Variants in THSD7A observed in about 807,000 individuals in gnomAD.
THSD7A encodes thrombospondin type-1 domain-containing protein 7A.
Under a neutral mutation model 231.3 loss-of-function variants are expected in THSD7A, and 96 were observed. That is an observed-to-expected ratio of 0.41 (90% CI 0.35 to 0.49). THSD7A has a LOEUF of 0.49. Among genes scored for constraint, THSD7A ranks in the 20% least tolerant of loss-of-function variants. THSD7A has a pLI of 0.05. For synonymous variants in THSD7A, 940 were observed against 743.3 expected (o/e 1.26, Z -4.30); for missense variants, 2,290 against 2,070.2 (o/e 1.11, Z -2.06).
chr7:11,642,051 C>T (rs1045096841), intron 1 of THSD7A, among the ~76,000 whole-genome samples: 1 of 152,098 alleles, frequency 6.6e-6, no homozygotes, highest in Middle Eastern at 3.2e-3. Context: ...GAATTGTTAA[C>T]CCAATTAACT....
intron 4 of THSD7A, among the ~76,000 whole-genome samples, chr7:11,576,281 C>A (rs10486154): frequency 0.23 from 35,634 of 152,028 alleles, 4,291 homozygotes; most frequent in Admixed American, 0.25. Context: ...ACATAATATT[C>A]AAAATCACAT....
chr7:11,689,649 C>T (rs1166917973), intron 1 of THSD7A, among the ~76,000 whole-genome samples: 1 of 151,518 alleles, frequency 6.6e-6, no homozygotes, highest in Non-Finnish European at 1.5e-5. Flanking sequence ...ATGGAAATGC[C>T]ATTCCCAGGT....
At chr7:11,562,109 T>C (rs777715673) in intron 4 of THSD7A, among the ~76,000 whole-genome samples, 5 of 152,188 alleles carry the variant, frequency 3.3e-5, no homozygotes, top group South Asian at 2.1e-4. Context: ...GTGCAGAATC[T>C]GGTAGAGATA....
At chr7:11,487,832 C>T (rs1006899940) in intron 6 of THSD7A, among the ~76,000 whole-genome samples, 2 of 152,066 alleles carry the variant, frequency 1.3e-5, no homozygotes, top group African/African-American at 2.4e-5. Context: ...ACCCTTGACA[C>T]GTGGGGATTA....
At chr7:11,545,002 T>C (rs1562704748) in intron 4 of THSD7A, among the ~76,000 whole-genome samples, 1 of 152,124 alleles carries the variant, frequency 6.6e-6, no homozygotes, top group South Asian at 2.1e-4. Context: ...TTCAGCACAC[T>C]AATGACATAA....
chr7:11,561,773 A>G (rs1194860737), intron 4 of THSD7A, among the ~76,000 whole-genome samples: 1 of 152,134 alleles, frequency 6.6e-6, no homozygotes, highest in African/African-American at 2.4e-5. Flanking sequence ...AATTGCTTGA[A>G]CCTGGGAGGC....
intron 1 of THSD7A, among the ~76,000 whole-genome samples, chr7:11,739,782 T>G (rs970492402): frequency 3.3e-5 from 5 of 151,928 alleles, no homozygotes; most frequent in Admixed American, 2.0e-4. Context: ...TTCTTACACC[T>G]GTCGTACCCT....
At chr7:11,563,553 G>A (rs998526158) in intron 4 of THSD7A, among the ~76,000 whole-genome samples, 2 of 151,922 alleles carry the variant, frequency 1.3e-5, no homozygotes, top group African/African-American at 4.8e-5. Flanking sequence ...GTAGAGACAG[G>A]GTTTCACCAT....
chr7:11,510,546 T>G (rs535393764), intron 6 of THSD7A, among the ~76,000 whole-genome samples: 2 of 152,198 alleles, frequency 1.3e-5, no homozygotes, highest in African/African-American at 4.8e-5. Context: ...GCAAACCGAA[T>G]CCAGCAGCAC....
chr7:11,480,518 C>T (rs1257173653), intron 7 of THSD7A, among the ~76,000 whole-genome samples: 1 of 152,126 alleles, frequency 6.6e-6, no homozygotes, highest in Non-Finnish European at 1.5e-5. Context: ...TGTTTGACAA[C>T]ACAAGAAATA....
At chr7:11,538,250 A>G (rs938871868) in intron 6 of THSD7A, among the ~76,000 whole-genome samples, 6 of 152,036 alleles carry the variant, frequency 3.9e-5, no homozygotes, top group Non-Finnish European at 8.8e-5. Context: ...CAAACAAAAA[A>G]ATAACATAAC....
chr7:11,670,609 T>C (rs762529441), intron 1 of THSD7A, among the ~76,000 whole-genome samples: 1 of 152,184 alleles, frequency 6.6e-6, no homozygotes, highest in Admixed American at 6.6e-5. Context: ...AAACAGACTT[T>C]TACCAAAGAC....
chr7:11,566,519 A>G (rs534457769), intron 4 of THSD7A, among the ~76,000 whole-genome samples: 1 of 152,300 alleles, frequency 6.6e-6, no homozygotes, highest in East Asian at 1.9e-4. Flanking sequence ...GTTAACCACA[A>G]GGTGCTCCAA....
At chr7:11,452,340 T>G (rs1785171534) in intron 11 of THSD7A, among the ~76,000 whole-genome samples, 2 of 152,078 alleles carry the variant, frequency 1.3e-5, no homozygotes, top group Admixed American at 6.6e-5. Flanking sequence ...AGGGCTCCAG[T>G]TGTTTACTAG....
At chr7:11,518,509 A>G (rs1395815348) in intron 6 of THSD7A, among the ~76,000 whole-genome samples, 2 of 152,162 alleles carry the variant, frequency 1.3e-5, no homozygotes, top group African/African-American at 4.8e-5. Context: ...TTCTAGGTGC[A>G]GTGGATACAT....
chr7:11,627,695 T>C (rs1781517273), intron 2 of THSD7A, among the ~76,000 whole-genome samples: 1 of 152,112 alleles, frequency 6.6e-6, no homozygotes, highest in South Asian at 2.1e-4. Flanking sequence ...GGATGTTCAA[T>C]GGGAATTTAA....
intron 14 of THSD7A, among the ~76,000 whole-genome samples, chr7:11,427,934 A>T (rs544357606): frequency 1.3e-5 from 2 of 152,284 alleles, no homozygotes; most frequent in African/African-American, 2.4e-5. Context: ...CACTTGGGGA[A>T]CAATCAAGAC....
intron 7 of THSD7A, among the ~76,000 whole-genome samples, chr7:11,481,268 T>C (rs1244358202): frequency 1.3e-5 from 2 of 152,164 alleles, no homozygotes; most frequent in African/African-American, 4.8e-5. Context: ...AATTTACATA[T>C]GAGATTTCTG....
chr7:11,713,600 T>G (rs1161130852), intron 1 of THSD7A, among the ~76,000 whole-genome samples: 1 of 151,158 alleles, frequency 6.6e-6, no homozygotes, highest in Non-Finnish European at 1.5e-5. Context: ...AGGAAGCAAT[T>G]GTATATGTAC....
Sources: allele counts gnomAD v4.1 joint callset (sites outside exome capture counted in the v4.1 genomes callset), GRCh38; gene constraint gnomAD v4.1.1; transcripts MANE v1.5; gene names NCBI Gene and HGNC (gene_info 2026-07-23, HGNC 2026-07-21).